DNM3: variants seen among roughly 807,000 people sequenced by gnomAD.
DNM3 encodes the protein dynamin 3.
In DNM3, 47 loss-of-function variants were observed where a neutral mutation model predicts 101.6. That is an observed-to-expected ratio of 0.46 (90% confidence interval 0.37 to 0.59). The LOEUF (loss-of-function observed/expected upper bound fraction) is 0.59, where lower values mean the gene tolerates loss of function less well. Ranked by LOEUF, DNM3 falls within the 20% of genes least tolerant of loss-of-function variation. The pLI, the probability that DNM3 is intolerant of heterozygous loss-of-function variation, is 0.00. For missense variants in DNM3, 849 were observed against 1,085.7 expected (o/e 0.78, Z 3.06); for synonymous variants, 385 against 387.9 (o/e 0.99, Z 0.09).
At chr1:171,924,795 G>A (rs989762231) in intron 2 of DNM3, among the ~76,000 whole-genome samples, 8 of 152,118 alleles carry the variant, frequency 5.3e-5, no homozygotes, top group Admixed American at 2.0e-4. Flanking sequence ...GTTTTGATCC[G>A]TATTTCTCTG....
chr1:171,959,715 A>G (rs978687504), intron 2 of DNM3, among the ~76,000 whole-genome samples: 5 of 152,154 alleles, frequency 3.3e-5, no homozygotes, highest in Non-Finnish European at 7.4e-5. Flanking sequence ...ATAGGAGGAA[A>G]AGTGAGTGGC....
At chr1:172,056,131 C>T (rs904366326) in intron 10 of DNM3, among the ~76,000 whole-genome samples, 13 of 152,284 alleles carry the variant, frequency 8.5e-5, no homozygotes, top group Middle Eastern at 3.4e-3. Flanking sequence ...TGTGCTTTTC[C>T]GACAGGCTTA....
At chr1:172,320,356 C>A (rs1391569262) in intron 16 of DNM3, among the ~76,000 whole-genome samples, 1 of 142,460 alleles carries the variant, frequency 7.0e-6, no homozygotes, top group African/African-American at 2.6e-5. Context: ...ACATTGTGCA[C>A]AGGTACCCTA....
chr1:171,890,811 C>T (rs1430554728), intron 1 of DNM3, among the ~76,000 whole-genome samples: 1 of 151,922 alleles, frequency 6.6e-6, no homozygotes, highest in Non-Finnish European at 1.5e-5. Context: ...AAAAACAAAA[C>T]AAACAAACAA....
intron 1 of DNM3, among the ~76,000 whole-genome samples, chr1:171,870,181 T>A (rs576525953): frequency 6.6e-6 from 1 of 152,306 alleles, no homozygotes; most frequent in Non-Finnish European, 1.5e-5. Flanking sequence ...TCTGAAAAAA[T>A]TATTAAATAA....
chr1:172,377,034 C>T (rs6676665), intron 17 of DNM3, among the ~76,000 whole-genome samples: 1 of 151,782 alleles, frequency 6.6e-6, no homozygotes, highest in African/African-American at 2.4e-5. Flanking sequence ...TCATATTCCT[C>T]GAGGTGAATG....
At chr1:171,987,866 C>G in intron 3 of DNM3, 61 bp downstream of exon 3, 4 of 1,435,636 alleles carry the variant, frequency 2.8e-6, no homozygotes, top group Non-Finnish European at 3.7e-6. Context: ...CATTAATTAA[C>G]ATACATCATT....
chr1:171,887,259 T>C (rs376124459), intron 1 of DNM3, among the ~76,000 whole-genome samples: 28 of 152,300 alleles, frequency 1.8e-4, no homozygotes, highest in Admixed American at 1.0e-3. Flanking sequence ...AGTAAGGATA[T>C]TGAGGTGAAA....
At chr1:172,039,295 T>A (rs2049191962) in intron 7 of DNM3, among the ~76,000 whole-genome samples, 1 of 152,072 alleles carries the variant, frequency 6.6e-6, no homozygotes. Flanking sequence ...GGCGCACTTT[T>A]CTCCCCAGCA....
At chr1:171,902,726 A>G (rs1193020193) in intron 1 of DNM3, among the ~76,000 whole-genome samples, 1 of 152,144 alleles carries the variant, frequency 6.6e-6, no homozygotes, top group Non-Finnish European at 1.5e-5. Context: ...TGGTGATGAC[A>G]TGTTATGACA....
At chr1:171,915,176 A>G (rs1041975379) in intron 1 of DNM3, among the ~76,000 whole-genome samples, 1 of 152,216 alleles carries the variant, frequency 6.6e-6, no homozygotes, top group African/African-American at 2.4e-5. Context: ...AAGAAGTTCT[A>G]TGCCTCTGAT....
intron 17 of DNM3, among the ~76,000 whole-genome samples, chr1:172,375,208 G>A (rs923752273): frequency 2.6e-5 from 4 of 151,988 alleles, no homozygotes; most frequent in Admixed American, 6.6e-5. Context: ...CAGAGGAATC[G>A]CTCTGAGTCA....
At chr1:172,283,759 C>CAAAAAAAA (rs769812358) in intron 15 of DNM3, among the ~76,000 whole-genome samples, 20 of 40,164 alleles carry the variant, frequency 5.0e-4, no homozygotes, top group Admixed American at 8.6e-4. Flanking sequence ...GACTCCATCT[C>CAAAAAAAA]AAAAAAAAAA....
At chr1:172,153,878 G>T (rs895158804) in intron 14 of DNM3, among the ~76,000 whole-genome samples, 1 of 152,054 alleles carries the variant, frequency 6.6e-6, no homozygotes, top group Middle Eastern at 3.2e-3. Context: ...GTCTTCAGAA[G>T]GGTGGAGAAA....
At chr1:171,916,885 G>A (rs1020001796) in intron 1 of DNM3, among the ~76,000 whole-genome samples, 1 of 152,016 alleles carries the variant, frequency 6.6e-6, no homozygotes, top group Non-Finnish European at 1.5e-5. Context: ...GTGATGTTTT[G>A]TGCTACTCTG....
In DNM3 at chr1:171,929,234, G is replaced by A. The variant is rs1571667669; in HGVS notation, c.235+7413G>A. ...AGATGGCAGCCTGACTTTCCCTCTG[G>A]GAGCTCTGTCCCAGGGTGGTTTGAA... On this transcript the variant is annotated intron_variant, in intron 2 of 20. Coordinates refer to ENST00000627582, the MANE Select transcript of DNM3 (RefSeq NM_015569.5). 2.0e-5 allele frequency among the ~76,000 whole-genome samples: 3 copies of A among 152,066 alleles called. No individual in the cohort carries two copies. In the South Asian group the frequency reaches 6.2e-4, roughly 32 times the overall value.
chr1:172,363,784 A>T (rs1345179168), intron 17 of DNM3, among the ~76,000 whole-genome samples: 1 of 151,424 alleles, frequency 6.6e-6, no homozygotes, highest in African/African-American at 2.4e-5. Flanking sequence ...TCAGCCATAT[A>T]CTCTTCTTCT....
chr1:172,134,904 A>G (rs1387927975), intron 14 of DNM3, among the ~76,000 whole-genome samples: 2 of 152,112 alleles, frequency 1.3e-5, no homozygotes, highest in Non-Finnish European at 2.9e-5. Flanking sequence ...AGAGAAAGGC[A>G]CTCTAAAGAT....
At chr1:171,975,105 T>C (rs541767923) in intron 2 of DNM3, among the ~76,000 whole-genome samples, 5 of 152,112 alleles carry the variant, frequency 3.3e-5, no homozygotes, top group African/African-American at 1.2e-4. Context: ...GATCCTCATG[T>C]CTTGGCCTCC....
Sources: gnomAD v4.1 joint callset for allele counts (sites outside exome capture counted in the v4.1 genomes callset) on GRCh38, gnomAD v4.1.1 for gene constraint, MANE v1.5 for transcripts, NCBI Gene and HGNC (gene_info 2026-07-23, HGNC 2026-07-21) for gene names.